The following FFAR4 variants were observed in gnomAD, a reference collection of about 807,000 sequenced individuals.
FFAR4 encodes G-protein coupled receptor 120.
In FFAR4, 19 loss-of-function variants were observed where a neutral mutation model predicts 27.0. The observed-to-expected ratio is 0.70, with a 90% CI of 0.49 to 1.03. The LOEUF (loss-of-function observed/expected upper bound fraction) is 1.03, where lower values mean the gene tolerates loss of function less well. Ranked by LOEUF, FFAR4 falls within the 50% of genes least tolerant of loss-of-function variation. The pLI is 0.00. For synonymous variants in FFAR4, 254 were observed against 215.6 expected, an observed-to-expected ratio of 1.18 and a Z score of -1.56; for missense variants, 476 against 479.0, an observed-to-expected ratio of 0.99 and a Z score of 0.06.
Position 93,589,187 on chromosome 10 carries a change from G to T in FFAR4, c.*1578G>T, listed in dbSNP as rs1017825890. 5 of 152,360 alleles carry T rather than the reference G, an allele frequency of 3.3e-5. No homozygotes were observed. Among genetic ancestry groups the T allele is most frequent in the African/African-American group, 9.6e-5 (4 of 41,468 alleles). 9.4% of individuals were successfully genotyped at this position (152,360 alleles called of 1,614,324 possible). A position where few individuals can be genotyped will look rare whatever the true frequency, so the allele number is the denominator to read the frequency against. Reference sequence around the variant, plus strand: ...CTGGGGCCTGTCAGTTGAGGCCAGAGAAATTGCAGGGTTAGATCACATAGG... The same window carrying T: ...CTGGGGCCTGTCAGTTGAGGCCAGATAAATTGCAGGGTTAGATCACATAGG... On this transcript the variant is annotated 3_prime_UTR_variant, in exon 3 of 3. Transcript: ENST00000371481.
chr10:93,586,606 C>T (rs905978641), intron 2 of FFAR4, among the ~76,000 whole-genome samples: 1 of 152,184 alleles, frequency 6.6e-6, no homozygotes, highest in Non-Finnish European at 1.5e-5. Flanking sequence ...GAATGAAGTG[C>T]CTTCTCTGTG....
intron 2 of FFAR4, among the ~76,000 whole-genome samples, chr10:93,578,098 C>A (rs117062992): frequency 6.6e-6 from 1 of 152,098 alleles, no homozygotes; most frequent in East Asian, 1.9e-4. Context: ...GCTACACAAA[C>A]GTAAGGGACG....
At chr10:93,569,382 C>G (rs1292811597) in intron 1 of FFAR4, among the ~76,000 whole-genome samples, 3 of 151,698 alleles carry the variant, frequency 2.0e-5, no homozygotes, top group Admixed American at 1.3e-4. Context: ...AAATTGTGTG[C>G]TGACAGGGAC....
chr10:93,582,295 A>G (rs967955311), intron 2 of FFAR4, among the ~76,000 whole-genome samples: 2 of 152,022 alleles, frequency 1.3e-5, no homozygotes, highest in African/African-American at 4.8e-5. Context: ...CTGTAATTCC[A>G]GTACTTTGGG....
In FFAR4 at chr10:93,567,257, C is replaced by G; in HGVS notation, c.537C>G (p.Val179=). 6.2e-7 allele frequency: 1 copy of G among 1,600,450 alleles called. No individual in the cohort carries two copies. Among genetic ancestry groups the G allele is most frequent in the Non-Finnish European group, 8.5e-7 (1 of 1,179,688 alleles). ...TGCCTCTCTGCGTCTTCTTCCGAGT[C>G]GTCCCGCAACGGCTCCCCGGCGCCG... ...AALPLCVFFR[V]VPQRLPGADQ... Residue 179 remains valine, a synonymous_variant, in exon 1 of 3, where the codon GTC becomes GTG. Transcript: ENST00000371481.
At chr10:93,574,924 T>C (rs547811239) in intron 1 of FFAR4, among the ~76,000 whole-genome samples, 1 of 152,132 alleles carries the variant, frequency 6.6e-6, no homozygotes, top group South Asian at 2.1e-4. Context: ...ACAAAACAGG[T>C]TTCTTTCCAG....
rs2058242108 is a variant in FFAR4, at chr10:93,588,311, A to G, written c.*702A>G. 6.6e-6 allele frequency: 1 copy of G among 152,106 alleles called. No individual in the cohort carries two copies. The highest frequency in any genetic ancestry group is 1.5e-5 in the Non-Finnish European group (1 of 68,036). The allele number at this position is 152,106 out of a possible 1,614,324, so 9.4% of individuals were successfully genotyped here. Reference sequence around the variant, plus strand: ...AAGGGTCACAGCCACCCTGTGCCCTACCTTGGACTCGCAAGGGTTTAGGAT... The same window carrying G: ...AAGGGTCACAGCCACCCTGTGCCCTGCCTTGGACTCGCAAGGGTTTAGGAT... On this transcript the variant is annotated 3_prime_UTR_variant, in exon 3 of 3. Coordinates refer to ENST00000371481, the MANE Select transcript of FFAR4 (RefSeq NM_001195755.2).
At chr10:93,583,932 CCTT>C (rs1390554389) in intron 2 of FFAR4, among the ~76,000 whole-genome samples, 1 of 152,176 alleles carries the variant, frequency 6.6e-6, no homozygotes, top group African/African-American at 2.4e-5. Context: ...ACATTGTCGC[CCTT>C]CTTAGGATGG....
At chr10:93,585,378 A>T (rs1023244277) in intron 2 of FFAR4, among the ~76,000 whole-genome samples, 3 of 152,250 alleles carry the variant, frequency 2.0e-5, no homozygotes, top group Non-Finnish European at 4.4e-5. Context: ...GGGGACATAA[A>T]TGTAAAATGG....
intron 2 of FFAR4, among the ~76,000 whole-genome samples, chr10:93,581,179 T>C (rs2134552132): frequency 6.6e-6 from 1 of 152,284 alleles, no homozygotes; most frequent in Admixed American, 6.5e-5. Context: ...TAAATATTTG[T>C]CGAATAAGTG....
At chr10:93,573,379 G>C (rs2058143007) in intron 1 of FFAR4, among the ~76,000 whole-genome samples, 2 of 152,208 alleles carry the variant, frequency 1.3e-5, no homozygotes. Flanking sequence ...CACATGTGCA[G>C]AAAAAGTACA....
Position 93,566,747 on chromosome 10 carries a change from G to C in FFAR4, c.27G>C (p.Ala9=), listed in dbSNP as rs748550282. The C allele has an allele frequency of 3.1e-6, 5 of 1,602,204 alleles. No individual in the cohort carries two copies. The highest frequency in any genetic ancestry group is 4.2e-6 in the Non-Finnish European group (5 of 1,177,230). The change falls in exon 1 of 3, where the codon GCG becomes GCC. Residue 9 remains alanine (A), a synonymous_variant. Transcript: ENST00000371481. Reference sequence around the variant, plus strand: ...TGTCCCCTGAATGCGCGCGGGCAGCGGGCGACGCGCCCTTGCGCAGCCTGG... The same window carrying C: ...TGTCCCCTGAATGCGCGCGGGCAGCCGGCGACGCGCCCTTGCGCAGCCTGG... MSPECARA[A]GDAPLRSLEQ...
At position 93,580,349 on chromosome 10, in the gene FFAR4, T is replaced by C. The variant is rs117376467; in HGVS notation, c.696+4130T>C. 1.9e-4 allele frequency among the ~76,000 whole-genome samples: 29 copies of C among 152,340 alleles called. 1 individual carries two copies. In the East Asian group the frequency reaches 5.4e-3, roughly 28 times the overall value. On this transcript the variant is annotated intron_variant, in intron 2 of 2. Coordinates refer to ENST00000371481, the MANE Select transcript of FFAR4 (RefSeq NM_001195755.2). ...CACCACCAGTCCCACTTCTCACCTG[T>C]CACTAGTTCCTGTAACCCAGGTCTC... is the stretch of plus-strand genomic sequence containing the variant.
At position 93,566,955 on chromosome 10, in the gene FFAR4, C is replaced by A; in HGVS notation, c.235C>A (p.Leu79Ile). 6.2e-7 allele frequency: 1 copy of A among 1,611,250 alleles called. No individual in the cohort carries two copies. Among genetic ancestry groups the A allele is most frequent in the Non-Finnish European group, 8.5e-7 (1 of 1,179,612 alleles). ...CCGCGGCGCGACTGCCTGCCTGGTA[C>A]TCAACCTCTTCTGCGCGGACCTGCT... Reference protein sequence around the residue: ...RRRGATACLVLNLFCADLLFI... With the variant: ...RRRGATACLVINLFCADLLFI... The change falls in exon 1 of 3, where the codon CTC (leucine) becomes ATC (isoleucine). Residue 79 changes from leucine to isoleucine, a missense_variant. Leu to Ile is a conservative substitution (Grantham distance 5, BLOSUM62 2). Coordinates refer to ENST00000371481, the MANE Select transcript of FFAR4 (RefSeq NM_001195755.2).
intron 1 of FFAR4, among the ~76,000 whole-genome samples, chr10:93,571,830 G>A (rs2058133528): frequency 6.6e-6 from 1 of 152,180 alleles, no homozygotes; most frequent in Non-Finnish European, 1.5e-5. Context: ...CATGTTGATG[G>A]CAGAGGTGAG....
rs140523602 is a variant in FFAR4, at chr10:93,587,915, C to G, written c.*306C>G. Reference sequence around the variant, plus strand: ...AACCTGACCAACATGGTGAGACCCCCGTCTCTACTAAAAATAAAAAAAAAA... The same window carrying G: ...AACCTGACCAACATGGTGAGACCCCGGTCTCTACTAAAAATAAAAAAAAAA... On this transcript the variant is annotated 3_prime_UTR_variant, in exon 3 of 3. Coordinates refer to ENST00000371481, the MANE Select transcript of FFAR4 (RefSeq NM_001195755.2). 1 of 204,044 alleles carries G rather than the reference C, an allele frequency of 4.9e-6. No individual in the cohort carries two copies. The highest frequency in any genetic ancestry group is 2.3e-5 in the African/African-American group (1 of 42,684). The allele number at this position is 204,044 out of a possible 1,614,324, so 12.6% of individuals were successfully genotyped here.
In FFAR4 at chr10:93,576,324, G is replaced by C. The variant is rs896435248; in HGVS notation, c.696+105G>C. 8 of 1,181,310 alleles carry C rather than the reference G, an allele frequency of 6.8e-6. No individual in the cohort carries two copies. The African/African-American group carries it at 1.2e-4, about 18-fold the overall frequency. The allele number at this position is 1,181,310 out of a possible 1,614,324, so 73.2% of individuals were successfully genotyped here. On this transcript the variant is annotated intron_variant, in intron 2 of 2. Coordinates refer to ENST00000371481, the MANE Select transcript of FFAR4 (RefSeq NM_001195755.2). ...GGAGAACACCTAAGAGTTCACGCCA[G>C]CTCAATCTTGATTCACTGCCCAGGT...
chr10:93,574,684 C>T (rs1289833418), intron 1 of FFAR4, among the ~76,000 whole-genome samples: 1 of 151,618 alleles, frequency 6.6e-6, no homozygotes. Context: ...GTCAGGAGAT[C>T]GAGACCATTC....
chr10:93,569,392 C>T (rs2058119220), intron 1 of FFAR4, among the ~76,000 whole-genome samples: 4 of 151,428 alleles, frequency 2.6e-5, no homozygotes, highest in Non-Finnish European at 5.9e-5. Context: ...CTGACAGGGA[C>T]ACAGGTGACT....
Sources: gnomAD v4.1 joint callset for allele counts (sites outside exome capture counted in the v4.1 genomes callset) on GRCh38, gnomAD v4.1.1 for gene constraint, MANE v1.5 for transcripts, NCBI Gene and HGNC (gene_info 2026-07-23, HGNC 2026-07-21) for gene names.